Variants in EXT1 observed in about 807,000 individuals in gnomAD.
The protein encoded by EXT1 is exostosin-1.
EXT1 carries 20 observed loss-of-function variants against 82.5 expected under a neutral mutation model. The observed-to-expected ratio is 0.24, with a 90% CI of 0.17 to 0.35. The LOEUF (loss-of-function observed/expected upper bound fraction) is 0.35. Ranked by LOEUF, EXT1 falls within the 10% of genes least tolerant of loss-of-function variation. The pLI is 1.00. For synonymous variants in EXT1, 348 were observed against 350.8 expected, an observed-to-expected ratio of 0.99 and a Z score of 0.09; for missense variants, 757 against 936.5, an observed-to-expected ratio of 0.81 and a Z score of 2.50.
intron 1 of EXT1, among the ~76,000 whole-genome samples, chr8:117,845,437 T>C (rs1206192648): frequency 6.6e-6 from 1 of 152,144 alleles, no homozygotes; most frequent in Non-Finnish European, 1.5e-5. Context: ...TTGCTACCTG[T>C]GTATATTAAT....
chr8:117,967,739 T>C (rs1041637130), intron 1 of EXT1, among the ~76,000 whole-genome samples: 1 of 152,232 alleles, frequency 6.6e-6, no homozygotes, highest in African/African-American at 2.4e-5. Context: ...TATTGAGTGC[T>C]TACTCATGGA....
At chr8:118,076,494 G>T (rs979261708) in intron 1 of EXT1, among the ~76,000 whole-genome samples, 2 of 152,130 alleles carry the variant, frequency 1.3e-5, no homozygotes, top group Non-Finnish European at 2.9e-5. Context: ...TTCCTTTCAG[G>T]AATATGTCTG....
At chr8:117,887,392 G>A (rs1345246487) in intron 1 of EXT1, among the ~76,000 whole-genome samples, 5 of 152,024 alleles carry the variant, frequency 3.3e-5, no homozygotes, top group Admixed American at 6.5e-5. Context: ...TCACTTTGTC[G>A]CCAGGCTGGA....
chr8:117,918,097 C>A (rs1375837178), intron 1 of EXT1, among the ~76,000 whole-genome samples: 1 of 152,092 alleles, frequency 6.6e-6, no homozygotes, highest in Non-Finnish European at 1.5e-5. Flanking sequence ...CAAAGCCTCC[C>A]GTAATGCAGC....
intron 1 of EXT1, among the ~76,000 whole-genome samples, chr8:118,024,226 A>G (rs901539860): frequency 8.5e-5 from 13 of 152,260 alleles, no homozygotes; most frequent in African/African-American, 3.1e-4. Context: ...ATAACTGCCA[A>G]GATTTTCCTT....
chr8:117,841,963 G>A (rs1483686173), intron 1 of EXT1, among the ~76,000 whole-genome samples: 1 of 152,150 alleles, frequency 6.6e-6, no homozygotes, highest in African/African-American at 2.4e-5. Context: ...CCAATCAGTG[G>A]CAACATCTGC....
At chr8:117,824,944 G>A (rs1378982522) in intron 4 of EXT1, among the ~76,000 whole-genome samples, 1 of 152,000 alleles carries the variant, frequency 6.6e-6, no homozygotes, top group Non-Finnish European at 1.5e-5. Flanking sequence ...ATGGCTCTGT[G>A]CAGCCTCAAA....
rs1813551058 is a variant in EXT1 at position 117,906,755 on chromosome 8, T to C, written c.963-69554A>G. 3.3e-5 allele frequency among the ~76,000 whole-genome samples: 5 copies of C among 152,312 alleles called. No individual in the cohort carries two copies. The South Asian group carries it at 1.0e-3, about 32-fold the overall frequency. On this transcript the variant is annotated intron_variant, in intron 1 of 10. Coordinates refer to ENST00000378204, the MANE Select transcript of EXT1 (RefSeq NM_000127.3). ...ATGTCTTACAGGGAAAGCAGTTGTC[T>C]CCTTGGGAAAGAATGGTGTATGGTT...
intron 1 of EXT1, among the ~76,000 whole-genome samples, chr8:117,852,925 A>G (rs962081181): frequency 4.6e-5 from 7 of 152,158 alleles, no homozygotes; most frequent in Non-Finnish European, 8.8e-5. Flanking sequence ...CAACAGCTAT[A>G]GTAGTTCCAA....
intron 4 of EXT1, among the ~76,000 whole-genome samples, chr8:117,824,709 A>C (rs900844063): frequency 2.6e-5 from 4 of 152,226 alleles, no homozygotes; most frequent in African/African-American, 9.6e-5. Flanking sequence ...ATATTACATA[A>C]TACAGCTATT....
At chr8:117,984,884 C>G (rs775192709) in intron 1 of EXT1, among the ~76,000 whole-genome samples, 19 of 152,106 alleles carry the variant, frequency 1.2e-4, no homozygotes, top group Non-Finnish European at 2.6e-4. Context: ...CAAAAATGAT[C>G]AACAACCCGA....
intron 1 of EXT1, among the ~76,000 whole-genome samples, chr8:117,944,225 G>A (rs936404526): frequency 4.6e-5 from 7 of 152,066 alleles, no homozygotes; most frequent in Admixed American, 2.0e-4. Flanking sequence ...GCAAAACTCC[G>A]TCTCTACAAA....
At chr8:117,935,804 C>G (rs1336367788) in intron 1 of EXT1, among the ~76,000 whole-genome samples, 1 of 152,028 alleles carries the variant, frequency 6.6e-6, no homozygotes, top group East Asian at 1.9e-4. Context: ...CAGACAATCA[C>G]AGGTACAGAG....
chr8:118,073,395 C>T (rs762098498), intron 1 of EXT1, among the ~76,000 whole-genome samples: 15 of 152,024 alleles, frequency 9.9e-5, no homozygotes, highest in Non-Finnish European at 1.9e-4. Context: ...CCAAGGTGGG[C>T]GGATCACTTG....
chr8:117,866,107 C>G (rs1429245866), intron 1 of EXT1, among the ~76,000 whole-genome samples: 1 of 152,102 alleles, frequency 6.6e-6, no homozygotes, highest in East Asian at 1.9e-4. Flanking sequence ...TGCCTGTAAT[C>G]CCAGCTACTC....
At position 118,110,160 on chromosome 8, in the gene EXT1, G is replaced by A. The variant is rs1318697804; in HGVS notation, c.887C>T (p.Thr296Ile). ...VHNGEDVVLL[T>I]TCKHGKDWQK... ...CCAGTCTTTGCCATGCTTGCAGGTG[G>A]TGAGGAGCACAACGTCCTCCCCGTT... is the stretch of plus-strand genomic sequence containing the variant. Residue 296 changes from threonine (T) to isoleucine (I), a missense_variant, in exon 1 of 11, where the codon ACC becomes ATC. By Grantham distance (89) the Thr-to-Ile change is moderately conservative (BLOSUM62 -1). Coordinates refer to ENST00000378204, the MANE Select transcript of EXT1 (RefSeq NM_000127.3). 2 of 1,614,080 alleles carry A rather than the reference G, an allele frequency of 1.2e-6. No individual in the cohort carries two copies. The highest frequency in any genetic ancestry group is 8.5e-7 in the Non-Finnish European group (1 of 1,180,038).
chr8:117,987,014 G>C (rs891263734), intron 1 of EXT1, among the ~76,000 whole-genome samples: 3 of 152,202 alleles, frequency 2.0e-5, no homozygotes, highest in Non-Finnish European at 4.4e-5. Flanking sequence ...TTCAGGACCT[G>C]AGATGCAAGG....
chr8:118,068,808 T>C (rs1817035798), intron 1 of EXT1, among the ~76,000 whole-genome samples: 1 of 152,236 alleles, frequency 6.6e-6, no homozygotes, highest in African/African-American at 2.4e-5. Context: ...ATATTTTTTA[T>C]ATTCAATAGA....
At chr8:117,916,000 A>G (rs1166618003) in intron 1 of EXT1, among the ~76,000 whole-genome samples, 1 of 152,272 alleles carries the variant, frequency 6.6e-6, no homozygotes, top group Non-Finnish European at 1.5e-5. Flanking sequence ...AGTCAGTTTT[A>G]TCACAGGAAA....
Sources: gnomAD v4.1 joint callset for allele counts (sites outside exome capture counted in the v4.1 genomes callset) on GRCh38, gnomAD v4.1.1 for gene constraint, MANE v1.5 for transcripts, NCBI Gene and HGNC (gene_info 2026-07-23, HGNC 2026-07-21) for gene names.